The following ZNF205 variants were observed in gnomAD, a reference collection of about 807,000 sequenced individuals.
ZNF205 encodes the protein zinc finger protein 205.
Under a neutral mutation model 53.6 loss-of-function variants are expected in ZNF205, and 32 were observed. The ratio of observed to expected loss-of-function variants is 0.60; its 90% CI spans 0.45 to 0.80. The LOEUF (loss-of-function observed/expected upper bound fraction) is 0.80. ZNF205 is among the 30% of genes least tolerant of loss of function. ZNF205 has a pLI of 0.00. For synonymous variants in ZNF205, 382 were observed against 334.3 expected, an observed-to-expected ratio of 1.14 and a Z score of -1.56; for missense variants, 836 against 782.4, an observed-to-expected ratio of 1.07 and a Z score of -0.82.
chr16:3,117,852 C>CT (rs35351001), intron 5 of ZNF205, among the ~76,000 whole-genome samples: 40,279 of 132,884 alleles, frequency 0.3, 7,416 homozygotes, highest in South Asian at 0.43. Flanking sequence ...TGACGCTTAG[C>CT]TTTTTTTTTT....
At position 3,120,189 on chromosome 16, in the gene ZNF205, G is replaced by A. The variant is rs867627831; in HGVS notation, c.1529G>A (p.Gly510Asp). The change falls in exon 7 of 7, where the codon GGC becomes GAC. Residue 510 changes from glycine (G) to aspartate (D), a missense_variant. By Grantham distance (94) the Gly-to-Asp change is moderately conservative (BLOSUM62 -1). Transcript: ENST00000219091. ...GVRPYACPLC[G>D]KSFSRRSNLH... ...CGGCCCTACGCCTGCCCGTTGTGCG[G>A]CAAGAGCTTCAGCCGGCGCTCCAAC... is the stretch of plus-strand genomic sequence containing the variant. The A allele has an allele frequency of 6.2e-7, 1 of 1,612,722 alleles. No individual in the cohort carries two copies. Among genetic ancestry groups the A allele is most frequent in the Non-Finnish European group, 8.5e-7 (1 of 1,179,722 alleles).
At position 3,120,293 on chromosome 16, in the gene ZNF205, G is replaced by A. The variant is rs1375051688; in HGVS notation, c.1633G>A (p.Ala545Thr). Residue 545 changes from alanine (A) to threonine (T), a missense_variant, in exon 7 of 7, where the codon GCT (alanine) becomes ACT (threonine). By Grantham distance (58) the Ala-to-Thr change is moderately conservative. Coordinates refer to ENST00000219091, the MANE Select transcript of ZNF205 (RefSeq NM_001042428.2). ...GATGCTGGGGGCGGCGGCGGCGGGG[G>A]CTCTGGCCACACCCCCACCCGCTCC... is the stretch of plus-strand genomic sequence containing the variant. ...MLMLGAAAAG[A>T]LATPPPAPT is the part of the protein sequence containing the mutation. 2 of 1,584,642 alleles carry A rather than the reference G, an allele frequency of 1.3e-6. No individual in the cohort carries two copies. Among genetic ancestry groups the A allele is most frequent in the Non-Finnish European group, 8.5e-7 (1 of 1,173,032 alleles).
intron 2 of ZNF205, 145 bp downstream of exon 2, chr16:3,113,632 CCT>C: frequency 1.2e-6 from 1 of 845,438 alleles, no homozygotes; most frequent in Non-Finnish European, 1.8e-6. Context: ...TGGGTAGTAC[CCT>C]CTGTCTGGAA....
At chr16:3,119,062 G>T (rs769993382) in intron 6 of ZNF205, 47 bp downstream of exon 6, 2 of 1,591,446 alleles carry the variant, frequency 1.3e-6, no homozygotes, top group Non-Finnish European at 1.7e-6. Flanking sequence ...GGGCGCAGAC[G>T]CAGGCCTTCT....
At chr16:3,116,162 T>C in intron 4 of ZNF205, 1 of 649,160 alleles carries the variant, frequency 1.5e-6, no homozygotes, top group South Asian at 2.0e-5. Context: ...GGAACCGTCC[T>C]CCGAGGTCTC....
chr16:3,120,338 G>T lies in ZNF205; in HGVS notation c.*13G>T, dbSNP rs555977098. Reference sequence around the variant, plus strand: ...CGCTCCCACCTAGGAGGCCAGGAAAGGGGGAGCGGGGCGCCCAGGGCCACT... The same window carrying T: ...CGCTCCCACCTAGGAGGCCAGGAAATGGGGAGCGGGGCGCCCAGGGCCACT... On this transcript the variant is annotated 3_prime_UTR_variant, in exon 7 of 7. Transcript: ENST00000219091. The T allele has an allele frequency of 3.4e-5, 51 of 1,497,702 alleles. 2 individuals carry two copies. The African/African-American group carries it at 3.9e-4, about 11-fold the overall frequency. 92.8% of individuals were successfully genotyped at this position (1,497,702 alleles called of 1,614,324 possible). A position where few individuals can be genotyped will look rare whatever the true frequency, so the allele number is the denominator to read the frequency against.
intron 5 of ZNF205, among the ~76,000 whole-genome samples, chr16:3,118,632 C>A (rs1001060113): frequency 2.0e-5 from 3 of 152,162 alleles, no homozygotes; most frequent in Non-Finnish European, 4.4e-5. Flanking sequence ...GCGGGATACC[C>A]GTCCCGTGGG....
Position 3,115,457 on chromosome 16 carries a change from G to A in ZNF205, c.160G>A (p.Glu54Lys), listed in dbSNP as rs766846100. The A allele has an allele frequency of 3.5e-5, 56 of 1,612,000 alleles. No individual in the cohort carries two copies. The highest frequency in any genetic ancestry group is 1.5e-4 in the Admixed American group (9 of 59,734). ...GTCACTGCACATTAAGATGGAGCCC[G>A]AAGAGCCACACTCCGAGGGGGCATC... is the stretch of plus-strand genomic sequence containing the variant. ...QESLHIKMEP[E>K]EPHSEGASQE... Residue 54 changes from glutamate (E) to lysine (K), a missense_variant, in exon 3 of 7, where the codon GAA becomes AAA. Transcript: ENST00000219091.
Position 3,115,365 on chromosome 16 carries a change from G to T in ZNF205, c.68G>T (p.Arg23Leu). 2.5e-6 allele frequency: 4 copies of T among 1,598,186 alleles called. 1 individual carries two copies. In the South Asian group the frequency reaches 3.4e-5, roughly 14 times the overall value. ...DKETPPEVPD[R>L]GHPHQEMPSK... Reference sequence around the variant, plus strand: ...GGCTGTCCTTTCTAGGTTCCAGATCGTGGACATCCTCATCAGGAAATGCCT... The same window carrying T: ...GGCTGTCCTTTCTAGGTTCCAGATCTTGGACATCCTCATCAGGAAATGCCT... Residue 23 changes from arginine (R) to leucine (L), a missense_variant, in exon 3 of 7, where the codon CGT (arginine) becomes CTT (leucine). Coordinates refer to ENST00000219091, the MANE Select transcript of ZNF205 (RefSeq NM_001042428.2).
Position 3,120,286 on chromosome 16 carries a change from G to T in ZNF205, c.1626G>T (p.Ala542=), listed in dbSNP as rs765753832. Residue 542 remains alanine (A), a synonymous_variant, in exon 7 of 7, where the codon GCG becomes GCT. Transcript: ENST00000219091. The part of the protein sequence containing the change: ...ALAMLMLGAA[A]AGALATPPPA... Reference sequence around the variant, plus strand: ...CCATGCTGATGCTGGGGGCGGCGGCGGCGGGGGCTCTGGCCACACCCCCAC... The same window carrying T: ...CCATGCTGATGCTGGGGGCGGCGGCTGCGGGGGCTCTGGCCACACCCCCAC... The T allele has an allele frequency of 1.3e-6, 2 of 1,591,250 alleles. No homozygotes were observed. The highest frequency in any genetic ancestry group is 8.5e-7 in the Non-Finnish European group (1 of 1,175,744).
rs1160736514 is a variant in ZNF205 at position 3,116,517 on chromosome 16, G to A, written c.454G>A (p.Val152Ile). Reference protein sequence around the residue: ...DHTQQNFYRDVLQKKNGLSLG... With the variant: ...DHTQQNFYRDILQKKNGLSLG... Reference sequence around the variant, plus strand: ...CACGCAGCAGAACTTCTACAGGGATGTCCTGCAGAAGAAAAATGGGCTGTC... The same window carrying A: ...CACGCAGCAGAACTTCTACAGGGATATCCTGCAGAAGAAAAATGGGCTGTC... The change falls in exon 5 of 7, where the codon GTC becomes ATC. Residue 152 changes from valine (V) to isoleucine (I), a missense_variant. Transcript: ENST00000219091. 1.2e-6 allele frequency: 2 copies of A among 1,614,078 alleles called. No individual in the cohort carries two copies. Among genetic ancestry groups the A allele is most frequent in the African/African-American group, 1.3e-5 (1 of 75,044 alleles).
chr16:3,118,762 G>A (rs1957377512), intron 5 of ZNF205, 143 bp from the exon 6 acceptor site: 1 of 828,868 alleles, frequency 1.2e-6, no homozygotes, highest in East Asian at 2.8e-5. Flanking sequence ...CCCGACCCAG[G>A]GGGCCTTCTT....
Position 3,115,937 on chromosome 16 carries a change from C to T in ZNF205, c.363+17C>T, listed in dbSNP as rs554621728. 4.5e-5 allele frequency: 73 copies of T among 1,608,578 alleles called. No homozygotes were observed. In the East Asian group the frequency reaches 5.1e-4, roughly 11 times the overall value. On this transcript the variant is annotated intron_variant, in intron 4 of 6. Transcript: ENST00000219091. Reference sequence around the variant, plus strand: ...TGGTCCCAGGTGAGTGGCCCTTCCCCGGCCCCTGCATGGTACTCAGCCCTT... The same window carrying T: ...TGGTCCCAGGTGAGTGGCCCTTCCCTGGCCCCTGCATGGTACTCAGCCCTT...
Position 3,119,731 on chromosome 16 carries a change from CCA to C in ZNF205, c.1075_1076del (p.Thr359GlyfsTer255), listed in dbSNP as rs1398270866. 6.2e-7 allele frequency: 1 copy of C among 1,613,618 alleles called. No homozygotes were observed. Among genetic ancestry groups the C allele is most frequent in the East Asian group, 2.2e-5 (1 of 44,830 alleles). On this transcript the variant is annotated frameshift_variant, in exon 7 of 7. Transcript: ENST00000219091. LOFTEE classifies it high-confidence loss of function. ...CGCACCTCATCCAGCACCAGATCATCCACACGGGCGAGAAGCCCTACACCTGC... is the reference window on the plus strand; with the variant it reads ...CGCACCTCATCCAGCACCAGATCATCCACGGGCGAGAAGCCCTACACCTGC... ...SSHLIQHQII[H>X]TGEKPYTCPA...
rs149707505 is a variant in ZNF205, at chr16:3,115,920, G to T, written c.363G>T (p.Gln121His). The T allele has an allele frequency of 6.2e-7, 1 of 1,613,046 alleles. No homozygotes were observed. The highest frequency in any genetic ancestry group is 1.3e-5 in the African/African-American group (1 of 74,936). Residue 121 changes from glutamine (Q) to histidine (H), a missense_variant and splice_region_variant, in exon 4 of 7, where the codon CAG becomes CAT. Physicochemically the swap from Gln to His is conservative, Grantham distance 24 (BLOSUM62 0). Transcript: ENST00000219091. ...MAAALLTAWSQMPVTFEDVAL... is the reference protein window; with the variant it reads ...MAAALLTAWSHMPVTFEDVAL... ...CAGCGCTCCTCACTGCCTGGTCCCA[G>T]GTGAGTGGCCCTTCCCCGGCCCCTG...
Position 3,119,889 on chromosome 16 carries a change from A to G in ZNF205, c.1229A>G (p.His410Arg). The change falls in exon 7 of 7, where the codon CAC becomes CGC. Residue 410 changes from histidine (H) to arginine (R), a missense_variant. Physicochemically the swap from His to Arg is conservative, Grantham distance 29. Coordinates refer to ENST00000219091, the MANE Select transcript of ZNF205 (RefSeq NM_001042428.2). ...RFTRRSDLVT[H>R]QGTHTGAKPH... is the part of the protein sequence containing the mutation. ...ACCCGCCGCTCGGACTTGGTCACCC[A>G]CCAGGGCACCCACACGGGCGCCAAG... 6.2e-7 allele frequency: 1 copy of G among 1,613,584 alleles called. No homozygotes were observed. Among genetic ancestry groups the G allele is most frequent in the Non-Finnish European group, 8.5e-7 (1 of 1,179,906 alleles).
rs201473980 is a variant in ZNF205 at position 3,115,564 on chromosome 16, C to T, written c.267C>T (p.Gly89=). 2.1e-5 allele frequency: 33 copies of T among 1,587,540 alleles called. No individual in the cohort carries two copies. The highest frequency in any genetic ancestry group is 2.7e-5 in the African/African-American group (2 of 73,260). The part of the protein sequence containing the change: ...GSKEKALFLP[G]GALPSPRIPV... ...AGGAGAAAGCTCTCTTCCTGCCTGG[C>T]GGAGGTAGGAGAGGGACGGGGAAGA... The change falls in exon 3 of 7, where the codon GGC becomes GGT. Residue 89 remains glycine, a synonymous_variant. Transcript: ENST00000219091.
At position 3,116,483 on chromosome 16, in the gene ZNF205, G is replaced by T; in HGVS notation, c.420G>T (p.Arg140=). 1 of 1,614,156 alleles carries T rather than the reference G, an allele frequency of 6.2e-7. No homozygotes were observed. Among genetic ancestry groups the T allele is most frequent in the Non-Finnish European group, 8.5e-7 (1 of 1,180,048 alleles). ...ACCTCTCCCGGGAGGAGTGGGGACG[G>T]CTGGACCACACGCAGCAGAACTTCT... ...ALYLSREEWG[R]LDHTQQNFYR... Residue 140 remains arginine, a synonymous_variant, in exon 5 of 7, where the codon CGG becomes CGT. Coordinates refer to ENST00000219091, the MANE Select transcript of ZNF205 (RefSeq NM_001042428.2).
intron 2 of ZNF205, 115 bp from the exon 3 acceptor site, chr16:3,115,240 C>A: frequency 2.5e-6 from 2 of 791,200 alleles, no homozygotes; most frequent in African/African-American, 1.8e-5. Flanking sequence ...GCAGCAAGGA[C>A]AGTCCTTCAA....
Sources: gnomAD v4.1 joint callset for allele counts (sites outside exome capture counted in the v4.1 genomes callset) on GRCh38, gnomAD v4.1.1 for gene constraint, MANE v1.5 for transcripts, NCBI Gene and HGNC (gene_info 2026-07-23, HGNC 2026-07-21) for gene names.